SLC35F1: variants seen among roughly 807,000 people sequenced by gnomAD.
SLC35F1 encodes the protein solute carrier family 35 member F1.
A neutral mutation model predicts 48.7 loss-of-function variants in SLC35F1; 14 were observed. The ratio of observed to expected loss-of-function variants is 0.29; its 90% CI spans 0.19 to 0.45. SLC35F1 has a LOEUF of 0.45. Ranked by LOEUF, SLC35F1 falls within the 20% of genes least tolerant of loss-of-function variation. The pLI, the probability that SLC35F1 is intolerant of heterozygous loss-of-function variation, is 1.00. For synonymous variants in SLC35F1, 190 were observed against 202.2 expected (o/e 0.94, Z 0.51); for missense variants, 404 against 500.0 (o/e 0.81, Z 1.83).
intron 1 of SLC35F1, among the ~76,000 whole-genome samples, chr6:118,102,237 G>T (rs1479896268): frequency 6.6e-6 from 1 of 152,170 alleles, no homozygotes; most frequent in African/African-American, 2.4e-5. Context: ...AGCCTGAAGT[G>T]CAGTGGTGCA....
In SLC35F1 at chr6:117,908,024, G is replaced by A. The variant is rs1360299919; in HGVS notation, c.173+125G>A. ...CGGGGTTGCGGCCGGAGGAGACTGA[G>A]GAGATCGGGCGACGACGCGCTCCGC... On this transcript the variant is annotated intron_variant, in intron 1 of 7. Coordinates refer to ENST00000360388, the MANE Select transcript of SLC35F1 (RefSeq NM_001029858.4). The A allele has an allele frequency of 6.2e-6, 6 of 963,796 alleles. No homozygotes were observed. In the Admixed American group the frequency reaches 1.3e-4, roughly 21 times the overall value. The allele number at this position is 963,796 out of a possible 1,614,324, so 59.7% of individuals were successfully genotyped here. A position where few individuals can be genotyped will look rare whatever the true frequency, so the allele number is the denominator to read the frequency against.
chr6:118,047,435 T>C lies in SLC35F1; in HGVS notation c.174-107010T>C, dbSNP rs974409584. On this transcript the variant is annotated intron_variant, in intron 1 of 7. Coordinates refer to ENST00000360388, the MANE Select transcript of SLC35F1 (RefSeq NM_001029858.4). ...GTGTTTCTAGGGTATTAGGTTTCAT[T>C]TGAAGCACTTGAACAATTTTAGTAG... is the stretch of plus-strand genomic sequence containing the variant. Among the ~76,000 whole-genome samples, 5 of 152,186 alleles carry C rather than the reference T, an allele frequency of 3.3e-5. No homozygotes were observed. The South Asian group carries it at 1.0e-3, about 31-fold the overall frequency.
intron 1 of SLC35F1, among the ~76,000 whole-genome samples, chr6:118,004,578 TA>T (rs1397739088): frequency 1.3e-5 from 2 of 152,188 alleles, no homozygotes; most frequent in African/African-American, 4.8e-5. Context: ...TTTTATTTTT[TA>T]AAAACAGGGT....
chr6:117,960,645 C>G (rs1428444999), intron 1 of SLC35F1, among the ~76,000 whole-genome samples: 1 of 151,664 alleles, frequency 6.6e-6, no homozygotes, highest in Non-Finnish European at 1.5e-5. Context: ...TCTGGTATAT[C>G]CCCCCCAAAA....
chr6:118,192,614 C>T lies in SLC35F1; in HGVS notation c.349+37994C>T, dbSNP rs1198341940. Among the ~76,000 whole-genome samples, 4 of 152,082 alleles carry T rather than the reference C, an allele frequency of 2.6e-5. No homozygotes were observed. In the East Asian group the frequency reaches 7.7e-4, roughly 29 times the overall value. On this transcript the variant is annotated intron_variant, in intron 2 of 7. Coordinates refer to ENST00000360388, the MANE Select transcript of SLC35F1 (RefSeq NM_001029858.4). Reference sequence around the variant, plus strand: ...ATTTCTGTGGTCTACAATAACTTAACATAATAACCATAGTTATGATTGATA... The same window carrying T: ...ATTTCTGTGGTCTACAATAACTTAATATAATAACCATAGTTATGATTGATA...
rs1776432648 is a variant in SLC35F1, at chr6:118,315,985, A to G, written c.*1733A>G. The G allele has an allele frequency of 6.6e-6, 1 of 152,234 alleles. No individual in the cohort carries two copies. Among genetic ancestry groups the G allele is most frequent in the Non-Finnish European group, 1.5e-5 (1 of 68,056 alleles). The allele number at this position is 152,234 out of a possible 1,614,324, so 9.4% of individuals were successfully genotyped here. A position where few individuals can be genotyped will look rare whatever the true frequency, so the allele number is the denominator to read the frequency against. On this transcript the variant is annotated 3_prime_UTR_variant, in exon 8 of 8. Coordinates refer to ENST00000360388, the MANE Select transcript of SLC35F1 (RefSeq NM_001029858.4). ...AATGGAGTTACAGGGTTTATAGGGG[A>G]AAAATACATGTTTATGAGACATTGG...
At chr6:118,148,079 A>G (rs1012545266) in intron 1 of SLC35F1, among the ~76,000 whole-genome samples, 35 of 152,178 alleles carry the variant, frequency 2.3e-4, no homozygotes, top group Non-Finnish European at 4.7e-4. Flanking sequence ...CGCTTCTCCC[A>G]CTTTCAAGGG....
intron 1 of SLC35F1, among the ~76,000 whole-genome samples, chr6:118,107,127 CT>C (rs957291448): frequency 9.2e-5 from 14 of 152,150 alleles, no homozygotes; most frequent in Admixed American, 9.2e-4. Flanking sequence ...ATCTCTGGTG[CT>C]TAGAATAGTG....
At chr6:118,056,985 A>G (rs1001156706) in intron 1 of SLC35F1, among the ~76,000 whole-genome samples, 2 of 152,154 alleles carry the variant, frequency 1.3e-5, no homozygotes, top group Non-Finnish European at 2.9e-5. Flanking sequence ...AAAAAGAACA[A>G]GCAAACAAGG....
chr6:118,076,346 G>C (rs1028497979), intron 1 of SLC35F1, among the ~76,000 whole-genome samples: 1 of 152,112 alleles, frequency 6.6e-6, no homozygotes, highest in Non-Finnish European at 1.5e-5. Flanking sequence ...TGGTGTATTA[G>C]GCCATTCTCA....
At chr6:117,908,359 G>A (rs1272962205) in intron 1 of SLC35F1, among the ~76,000 whole-genome samples, 3 of 152,218 alleles carry the variant, frequency 2.0e-5, no homozygotes, top group Non-Finnish European at 4.4e-5. Context: ...GCCCCGCCCG[G>A]GGGCTTCGAC....
intron 1 of SLC35F1, among the ~76,000 whole-genome samples, chr6:118,068,470 C>T (rs1772650397): frequency 6.6e-6 from 1 of 152,134 alleles, no homozygotes; most frequent in Non-Finnish European, 1.5e-5. Flanking sequence ...TCAACTCTCC[C>T]CTTGCTACCT....
chr6:118,271,406 CTGCCCTAGGT>C (rs2114625931), intron 4 of SLC35F1, among the ~76,000 whole-genome samples: 2 of 152,260 alleles, frequency 1.3e-5, no homozygotes, highest in Non-Finnish European at 2.9e-5. Flanking sequence ...GTGTAAGTGA[CTGCCCTAGGT>C]TGCCCAGAAT....
At chr6:118,278,590 A>T (rs1775945638) in intron 6 of SLC35F1, among the ~76,000 whole-genome samples, 1 of 152,176 alleles carries the variant, frequency 6.6e-6, no homozygotes. Context: ...TCGAGGGCTG[A>T]CCAGCCTTGT....
At chr6:118,195,840 C>G (rs1774793791) in intron 2 of SLC35F1, among the ~76,000 whole-genome samples, 1 of 152,168 alleles carries the variant, frequency 6.6e-6, no homozygotes, top group African/African-American at 2.4e-5. Context: ...TTCCCAGCTG[C>G]TCTGAGAGAT....
intron 2 of SLC35F1, among the ~76,000 whole-genome samples, chr6:118,224,363 C>G (rs983520306): frequency 6.6e-6 from 1 of 152,070 alleles, no homozygotes; most frequent in Admixed American, 6.6e-5. Flanking sequence ...TTTTAAATCA[C>G]CTGGAAAGGA....
intron 7 of SLC35F1, among the ~76,000 whole-genome samples, chr6:118,310,739 A>G (rs1359125050): frequency 6.6e-6 from 1 of 152,166 alleles, no homozygotes; most frequent in Non-Finnish European, 1.5e-5. Context: ...ACTGAATTCC[A>G]TATGAATTAA....
intron 1 of SLC35F1, among the ~76,000 whole-genome samples, chr6:117,950,617 G>A (rs1196498138): frequency 6.6e-6 from 1 of 152,110 alleles, no homozygotes; most frequent in Non-Finnish European, 1.5e-5. Flanking sequence ...CAATGGCTCT[G>A]GCTATTGACT....
chr6:118,192,917 C>T (rs1438852596), intron 2 of SLC35F1, among the ~76,000 whole-genome samples: 1 of 152,062 alleles, frequency 6.6e-6, no homozygotes, highest in Non-Finnish European at 1.5e-5. Flanking sequence ...GTTTGAAACA[C>T]TTGATATTAT....
Sources: gnomAD v4.1 joint callset for allele counts (sites outside exome capture counted in the v4.1 genomes callset) on GRCh38, gnomAD v4.1.1 for gene constraint, MANE v1.5 for transcripts, NCBI Gene and HGNC (gene_info 2026-07-23, HGNC 2026-07-21) for gene names.